CERS6: variants seen among roughly 807,000 people sequenced by gnomAD.
CERS6 encodes LAG1 homolog, ceramide synthase 6.
In CERS6, 26 loss-of-function variants were observed where a neutral mutation model predicts 56.8. The ratio of observed to expected loss-of-function variants is 0.46; its 90% CI spans 0.34 to 0.63. CERS6 has a LOEUF of 0.63. Ranked by LOEUF, CERS6 falls within the 30% of genes least tolerant of loss-of-function variation. The pLI, the probability that CERS6 is intolerant of heterozygous loss-of-function variation, is 0.01. For missense variants in CERS6, 415 were observed against 467.5 expected, an observed-to-expected ratio of 0.89 and a Z score of 1.04; for synonymous variants, 164 against 173.3, an observed-to-expected ratio of 0.95 and a Z score of 0.42.
At chr2:168,726,689 C>G (rs963449496) in intron 8 of CERS6, among the ~76,000 whole-genome samples, 4 of 152,130 alleles carry the variant, frequency 2.6e-5, no homozygotes, top group African/African-American at 9.7e-5. Flanking sequence ...TGTTAAGGAT[C>G]AAGTGTAATA....
At chr2:168,582,414 A>C (rs1473061659) in intron 3 of CERS6, among the ~76,000 whole-genome samples, 4 of 152,102 alleles carry the variant, frequency 2.6e-5, no homozygotes, top group African/African-American at 9.7e-5. Flanking sequence ...GCTTCTTACT[A>C]TCTTGTCACC....
intron 4 of CERS6, among the ~76,000 whole-genome samples, chr2:168,690,721 C>G (rs557846636): frequency 6.6e-6 from 1 of 151,990 alleles, no homozygotes; most frequent in Non-Finnish European, 1.5e-5. Flanking sequence ...CCCTGCAGGC[C>G]CCTGCTGTTG....
chr2:168,631,330 C>G (rs1027815699), intron 4 of CERS6, among the ~76,000 whole-genome samples: 5 of 145,386 alleles, frequency 3.4e-5, no homozygotes, highest in African/African-American at 1.3e-4. Context: ...AATTTGAAAA[C>G]ATGAATTGTT....
At chr2:168,479,944 C>G (rs942789790) in intron 1 of CERS6, among the ~76,000 whole-genome samples, 5 of 152,182 alleles carry the variant, frequency 3.3e-5, no homozygotes, top group Admixed American at 3.3e-4. Context: ...CGTGCCTGTC[C>G]TAAGCAAAGG....
chr2:168,503,769 T>C (rs1429767689), intron 1 of CERS6, among the ~76,000 whole-genome samples: 1 of 152,132 alleles, frequency 6.6e-6, no homozygotes, highest in Admixed American at 6.5e-5. Flanking sequence ...AGTTGACCTT[T>C]TGGGTCTTTG....
chr2:168,662,505 G>T (rs1007715038), intron 4 of CERS6, among the ~76,000 whole-genome samples: 18 of 152,210 alleles, frequency 1.2e-4, no homozygotes, highest in African/African-American at 3.9e-4. Context: ...AAGGTGGGTA[G>T]ATCACCTGAG....
intron 8 of CERS6, among the ~76,000 whole-genome samples, chr2:168,747,003 C>A (rs1684128114): frequency 6.6e-6 from 1 of 151,540 alleles, no homozygotes; most frequent in Admixed American, 6.6e-5. Context: ...TTTAATCGCA[C>A]TTTAAATCAT....
intron 1 of CERS6, among the ~76,000 whole-genome samples, chr2:168,515,773 A>G (rs943273490): frequency 6.6e-5 from 10 of 152,228 alleles, no homozygotes; most frequent in African/African-American, 2.4e-4. Flanking sequence ...TTGTTGTGCC[A>G]AGAAGAGAAT....
At chr2:168,551,457 G>C (rs1329645398) in intron 2 of CERS6, among the ~76,000 whole-genome samples, 2 of 152,144 alleles carry the variant, frequency 1.3e-5, no homozygotes, top group African/African-American at 2.4e-5. Context: ...CCTTGGGTGA[G>C]TTTCTTAACG....
intron 4 of CERS6, among the ~76,000 whole-genome samples, chr2:168,675,989 T>C (rs9287900): frequency 0.93 from 141,933 of 152,212 alleles, 66,229 homozygotes; most frequent in East Asian, 0.98. Flanking sequence ...TCGGCCAAAA[T>C]AACCATTTTC....
chr2:168,474,414 A>G (rs1235861271), intron 1 of CERS6, among the ~76,000 whole-genome samples: 3 of 152,222 alleles, frequency 2.0e-5, no homozygotes, highest in Non-Finnish European at 4.4e-5. Context: ...ATGCATTGAA[A>G]ACCTTTCAAG....
chr2:168,533,881 C>G (rs187198738), intron 1 of CERS6, among the ~76,000 whole-genome samples: 1 of 151,932 alleles, frequency 6.6e-6, no homozygotes, highest in South Asian at 2.1e-4. Context: ...GGTCTTTTTA[C>G]GAGATCCCAT....
At chr2:168,639,560 T>A (rs1370643501) in intron 4 of CERS6, among the ~76,000 whole-genome samples, 2 of 152,200 alleles carry the variant, frequency 1.3e-5, no homozygotes, top group South Asian at 4.1e-4. Flanking sequence ...ACAAACCAGA[T>A]GTTCTTTACT....
chr2:168,561,160 G>A, intron 2 of CERS6, 32 bp from the exon 3 acceptor site: 3 of 1,611,800 alleles, frequency 1.9e-6, no homozygotes, highest in Non-Finnish European at 1.7e-6. Context: ...AAAATGGATT[G>A]AAAATTATTT....
Position 168,456,720 on chromosome 2 carries a change from C to T in CERS6, c.170+102C>T. On this transcript the variant is annotated intron_variant, in intron 1 of 9. Transcript: ENST00000305747. This position sits in a 1 kb window ranked among gnomAD's most constrained non-coding sequence, Gnocchi z 4.1. The stretch of plus-strand genomic sequence containing the variant: ...CACGCCCCCGCGCCCCCAACGCTCG[C>T]GTTCACGCCTCCCAACCTTTGTGTT... 1.8e-6 allele frequency: 2 copies of T among 1,128,488 alleles called. No individual in the cohort carries two copies. The highest frequency in any genetic ancestry group is 2.5e-6 in the Non-Finnish European group (2 of 784,540). The allele number at this position is 1,128,488 out of a possible 1,614,324, so 69.9% of individuals were successfully genotyped here. A position where few individuals can be genotyped will look rare whatever the true frequency, so the allele number is the denominator to read the frequency against.
intron 6 of CERS6, among the ~76,000 whole-genome samples, chr2:168,698,641 G>T (rs911935943): frequency 2.0e-5 from 3 of 152,120 alleles, no homozygotes; most frequent in African/African-American, 7.2e-5. Context: ...TGAGATTTGG[G>T]AGGGGACACA....
intron 1 of CERS6, among the ~76,000 whole-genome samples, chr2:168,470,726 G>C (rs1157219958): frequency 2.0e-5 from 3 of 152,218 alleles, no homozygotes; most frequent in Non-Finnish European, 4.4e-5. Flanking sequence ...AGATATGCAG[G>C]TGGTGGTTGT....
At chr2:168,518,482 A>T (rs1226882719) in intron 1 of CERS6, among the ~76,000 whole-genome samples, 1 of 152,216 alleles carries the variant, frequency 6.6e-6, no homozygotes, top group Non-Finnish European at 1.5e-5. Flanking sequence ...GACTTACTCC[A>T]TACTTTGCTA....
chr2:168,752,036 T>A (rs1684285251), intron 8 of CERS6, among the ~76,000 whole-genome samples: 2 of 152,154 alleles, frequency 1.3e-5, no homozygotes, highest in Non-Finnish European at 2.9e-5. Context: ...TCTTAAAATC[T>A]CTCTCAGGGA....
Sources: gnomAD v4.1 joint callset for allele counts (sites outside exome capture counted in the v4.1 genomes callset) on GRCh38, gnomAD v4.1.1 for gene constraint, Gnocchi (gnomAD v3.1) non-coding constraint, MANE v1.5 for transcripts, NCBI Gene and HGNC (gene_info 2026-07-23, HGNC 2026-07-21) for gene names.